Variants in THSD7A observed in about 807,000 individuals in gnomAD.
The protein encoded by THSD7A is thrombospondin type-1 domain-containing protein 7A.
Under a neutral mutation model 231.3 loss-of-function variants are expected in THSD7A, and 96 were observed. The ratio of observed to expected loss-of-function variants is 0.41; its 90% CI spans 0.35 to 0.49. The LOEUF is 0.49. Among genes scored for constraint, THSD7A ranks in the 20% least tolerant of loss-of-function variants. The probability of loss-of-function intolerance (pLI) is 0.05; values close to 1 mark genes in which losing one functional copy is unlikely to be tolerated. For synonymous variants in THSD7A, 940 were observed against 743.3 expected, an observed-to-expected ratio of 1.26 and a Z score of -4.30; for missense variants, 2,290 against 2,070.2, an observed-to-expected ratio of 1.11 and a Z score of -2.06.
chr7:11,775,524 G>A (rs1046295633), intron 1 of THSD7A, among the ~76,000 whole-genome samples: 2 of 152,134 alleles, frequency 1.3e-5, no homozygotes, highest in African/African-American at 4.8e-5. Context: ...TAAAAGTAAG[G>A]AAATTGTGAT....
chr7:11,399,998 C>A (rs1257864708), intron 23 of THSD7A, among the ~76,000 whole-genome samples: 17 of 152,064 alleles, frequency 1.1e-4, no homozygotes, highest in Admixed American at 3.3e-4. Flanking sequence ...AGGATGAGTT[C>A]ATATCCTTTG....
intron 1 of THSD7A, among the ~76,000 whole-genome samples, chr7:11,653,254 GC>G (rs2128369479): frequency 6.6e-6 from 1 of 151,136 alleles, no homozygotes; most frequent in East Asian, 2.0e-4. Flanking sequence ...AATTTAAGAG[GC>G]CCTGCTTATT....
intron 1 of THSD7A, among the ~76,000 whole-genome samples, chr7:11,804,909 A>C (rs1327343606): frequency 6.6e-6 from 1 of 152,228 alleles, no homozygotes; most frequent in African/African-American, 2.4e-5. Context: ...ATCTCTATAA[A>C]GCATCAGCAT....
chr7:11,778,171 A>G (rs985156731), intron 1 of THSD7A, among the ~76,000 whole-genome samples: 2 of 146,254 alleles, frequency 1.4e-5, no homozygotes, highest in Non-Finnish European at 3.0e-5. Context: ...AAAAAAAAAA[A>G]AAAAAAAGAA....
chr7:11,747,898 C>T (rs1377611308), intron 1 of THSD7A, among the ~76,000 whole-genome samples: 1 of 151,852 alleles, frequency 6.6e-6, no homozygotes, highest in East Asian at 1.9e-4. Flanking sequence ...ATGATATTAA[C>T]ATAATAGGCC....
chr7:11,560,290 T>C (rs182951369), intron 4 of THSD7A, among the ~76,000 whole-genome samples: 17 of 152,322 alleles, frequency 1.1e-4, no homozygotes, highest in South Asian at 8.3e-4. Context: ...ATCAGGGACC[T>C]GGCCTGACAC....
chr7:11,451,407 A>G (rs1281256811), intron 11 of THSD7A, among the ~76,000 whole-genome samples: 2 of 151,992 alleles, frequency 1.3e-5, no homozygotes, highest in Non-Finnish European at 2.9e-5. Context: ...TCTTACTTGG[A>G]AGTTGCTTTA....
intron 4 of THSD7A, among the ~76,000 whole-genome samples, chr7:11,550,644 T>G (rs977096975): frequency 6.6e-6 from 1 of 152,204 alleles, no homozygotes; most frequent in Non-Finnish European, 1.5e-5. Flanking sequence ...TTCCCAGCGA[T>G]GTGGAACTGT....
chr7:11,470,576 C>T lies in THSD7A; in HGVS notation c.2253-582G>A, dbSNP rs550860272. On this transcript the variant is annotated intron_variant, in intron 8 of 27. Coordinates refer to ENST00000423059, the MANE Select transcript of THSD7A (RefSeq NM_015204.3). ...AAACTGTATAAATCAATCTGATAAG[C>T]AGTTTTTGCTTTATTCCTGCTTTTA... 6.9e-4 allele frequency among the ~76,000 whole-genome samples: 105 copies of T among 151,692 alleles called. 1 individual carries two copies. The highest frequency in any genetic ancestry group is 2.4e-3 in the African/African-American group (100 of 41,500).
In THSD7A at chr7:11,406,771, A is replaced by G; in HGVS notation, c.4062+139T>C. The G allele has an allele frequency of 9.4e-7, 1 of 1,067,224 alleles. No homozygotes were observed. Among genetic ancestry groups the G allele is most frequent in the Non-Finnish European group, 1.3e-6 (1 of 761,808 alleles). The allele number at this position is 1,067,224 out of a possible 1,614,324, so 66.1% of individuals were successfully genotyped here. ...ACTAATTAAATGGTTATAAAATGGC[A>G]AGTACATACAAATTTTAAGAAGCTT... On this transcript the variant is annotated intron_variant, in intron 21 of 27. Transcript: ENST00000423059. This position sits in a 1 kb window ranked among gnomAD's most constrained non-coding sequence, Gnocchi z 4.7.
At chr7:11,743,959 AT>A (rs1425558749) in intron 1 of THSD7A, among the ~76,000 whole-genome samples, 1 of 151,830 alleles carries the variant, frequency 6.6e-6, no homozygotes, top group East Asian at 1.9e-4. Flanking sequence ...GTTCTTCCCA[AT>A]AACATCACTT....
At chr7:11,821,079 G>A (rs2128187070) in intron 1 of THSD7A, 1 of 992,532 alleles carries the variant, frequency 1.0e-6, no homozygotes, top group Non-Finnish European at 1.6e-6. Flanking sequence ...AGTACTGCGG[G>A]AAATGTCTAT....
intron 4 of THSD7A, among the ~76,000 whole-genome samples, chr7:11,566,651 T>A (rs1790341027): frequency 6.6e-6 from 1 of 152,168 alleles, no homozygotes; most frequent in Non-Finnish European, 1.5e-5. Flanking sequence ...ATATGCAGAA[T>A]AATTTTTTCA....
At chr7:11,612,408 T>C (rs1780965639) in intron 2 of THSD7A, among the ~76,000 whole-genome samples, 1 of 152,224 alleles carries the variant, frequency 6.6e-6, no homozygotes, top group Non-Finnish European at 1.5e-5. Context: ...AAAGAAGTCA[T>C]GTCACACATC....
chr7:11,374,781 T>G lies in THSD7A; in HGVS notation c.*1013A>C, dbSNP rs1782199070. On this transcript the variant is annotated 3_prime_UTR_variant, in exon 28 of 28. Coordinates refer to ENST00000423059, the MANE Select transcript of THSD7A (RefSeq NM_015204.3). ...TACCGCCATGTTGTCAATTTCACAATGGCTGCAGTGATGAGGAAGTGTGTG... is the reference window on the plus strand; with the variant it reads ...TACCGCCATGTTGTCAATTTCACAAGGGCTGCAGTGATGAGGAAGTGTGTG... 6.6e-6 allele frequency: 1 copy of G among 152,098 alleles called. No homozygotes were observed. 9.4% of individuals were successfully genotyped at this position (152,098 alleles called of 1,614,324 possible).
At chr7:11,704,508 G>A (rs1352393880) in intron 1 of THSD7A, among the ~76,000 whole-genome samples, 7 of 150,892 alleles carry the variant, frequency 4.6e-5, no homozygotes, top group Middle Eastern at 6.8e-3. Flanking sequence ...GCAAGGAGAA[G>A]AAGCAGGAAA....
chr7:11,378,763 A>G (rs1782383122), intron 26 of THSD7A: 2 of 311,894 alleles, frequency 6.4e-6, no homozygotes, highest in Non-Finnish European at 1.2e-5. Context: ...TTTAAAATTC[A>G]TGTTTCTAAC....
intron 2 of THSD7A, among the ~76,000 whole-genome samples, chr7:11,594,328 C>T (rs1483173433): frequency 6.6e-6 from 1 of 151,996 alleles, no homozygotes; most frequent in Non-Finnish European, 1.5e-5. Flanking sequence ...TCTAGAGAAC[C>T]CTGACTAAGA....
At chr7:11,709,035 C>T (rs1780862433) in intron 1 of THSD7A, among the ~76,000 whole-genome samples, 1 of 150,656 alleles carries the variant, frequency 6.6e-6, no homozygotes, top group Non-Finnish European at 1.5e-5. Flanking sequence ...TATTTTGAAA[C>T]ATGACTCACT....
Sources: allele counts gnomAD v4.1 joint callset (sites outside exome capture counted in the v4.1 genomes callset), GRCh38; gene constraint gnomAD v4.1.1; non-coding constraint Gnocchi (gnomAD v3.1); transcripts MANE v1.5; gene names NCBI Gene and HGNC (gene_info 2026-07-23, HGNC 2026-07-21).